The following LDB2 variants were observed in gnomAD, a reference collection of about 807,000 sequenced individuals.
The protein encoded by LDB2 is LIM domain binding 2.
In LDB2, 12 loss-of-function variants were observed where a neutral mutation model predicts 44.3. The ratio of observed to expected loss-of-function variants is 0.27; its 90% CI spans 0.17 to 0.44. The LOEUF is 0.44. LDB2 is among the 20% of genes least tolerant of loss of function. The pLI, the probability that LDB2 is intolerant of heterozygous loss-of-function variation, is 1.00. For missense variants in LDB2, 344 were observed against 473.5 expected (o/e 0.73, Z 2.54); for synonymous variants, 164 against 174.8 (o/e 0.94, Z 0.49).
At chr4:16,651,764 G>A (rs944174649) in intron 2 of LDB2, among the ~76,000 whole-genome samples, 10 of 152,006 alleles carry the variant, frequency 6.6e-5, no homozygotes, top group African/African-American at 2.4e-4. Context: ...TGTTGGAAAA[G>A]GGATCAACAT....
At chr4:16,846,016 G>C (rs1331705678) in intron 1 of LDB2, among the ~76,000 whole-genome samples, 1 of 151,908 alleles carries the variant, frequency 6.6e-6, no homozygotes, top group African/African-American at 2.4e-5. Context: ...GGCTGAGGCA[G>C]GAGGATGGGA....
At chr4:16,568,809 ATGT>A (rs1308643978) in intron 5 of LDB2, among the ~76,000 whole-genome samples, 7 of 152,332 alleles carry the variant, frequency 4.6e-5, no homozygotes, top group African/African-American at 1.2e-4. Context: ...GTTCAAACTG[ATGT>A]TGTTCAAGGG....
intron 1 of LDB2, among the ~76,000 whole-genome samples, chr4:16,846,761 T>C (rs1384970301): frequency 6.6e-6 from 1 of 152,202 alleles, no homozygotes; most frequent in Non-Finnish European, 1.5e-5. Context: ...GGGGCTCTCC[T>C]TTGTATTAAG....
chr4:16,842,173 G>A (rs907243644), intron 1 of LDB2, among the ~76,000 whole-genome samples: 8 of 152,054 alleles, frequency 5.3e-5, no homozygotes, highest in Non-Finnish European at 1.2e-4. Flanking sequence ...GCATAATAAA[G>A]CAACCCAAGC....
intron 2 of LDB2, among the ~76,000 whole-genome samples, chr4:16,757,645 G>A (rs754946216): frequency 6.6e-6 from 1 of 152,154 alleles, no homozygotes; most frequent in African/African-American, 2.4e-5. Context: ...AAATAAGGTG[G>A]CTCAGGATGG....
At chr4:16,769,428 C>T (rs1770126637) in intron 1 of LDB2, among the ~76,000 whole-genome samples, 1 of 152,004 alleles carries the variant, frequency 6.6e-6, no homozygotes, top group Non-Finnish European at 1.5e-5. Flanking sequence ...TCCCGAGTAG[C>T]TGGGATTACA....
intron 2 of LDB2, among the ~76,000 whole-genome samples, chr4:16,597,061 G>A (rs1034759454): frequency 3.9e-5 from 6 of 152,096 alleles, no homozygotes; most frequent in Non-Finnish European, 7.4e-5. Flanking sequence ...TCACCCAATC[G>A]TCACTTGAAT....
chr4:16,860,426 A>T (rs1293640696), intron 1 of LDB2, among the ~76,000 whole-genome samples: 3 of 152,208 alleles, frequency 2.0e-5, no homozygotes, highest in African/African-American at 7.2e-5. Context: ...TTCTCAGGTT[A>T]TCTCTGTGTT....
chr4:16,788,658 G>C (rs1775031060), intron 1 of LDB2, among the ~76,000 whole-genome samples: 1 of 152,218 alleles, frequency 6.6e-6, no homozygotes, highest in Non-Finnish European at 1.5e-5. Context: ...TAGCAGAAGG[G>C]TGAGCACTGG....
chr4:16,681,354 C>T (rs139754109), intron 2 of LDB2, among the ~76,000 whole-genome samples: 10 of 152,264 alleles, frequency 6.6e-5, no homozygotes, highest in Non-Finnish European at 1.0e-4. Context: ...ATTCTTCAAA[C>T]AATCTGAATG....
At chr4:16,687,114 G>GAA (rs61404516) in intron 2 of LDB2, among the ~76,000 whole-genome samples, 2 of 146,598 alleles carry the variant, frequency 1.4e-5, no homozygotes, top group Non-Finnish European at 3.0e-5. Context: ...CTATAAACTT[G>GAA]AAAAAAAAAA....
chr4:16,551,580 C>T (rs986939754), intron 5 of LDB2, among the ~76,000 whole-genome samples: 8 of 152,188 alleles, frequency 5.3e-5, no homozygotes, highest in South Asian at 4.2e-4. Flanking sequence ...TTCAATGGCG[C>T]GATCTCGGCT....
At chr4:16,589,357 C>A (rs548954750) in intron 3 of LDB2, among the ~76,000 whole-genome samples, 18 of 152,250 alleles carry the variant, frequency 1.2e-4, no homozygotes, top group African/African-American at 4.3e-4. Flanking sequence ...CAGTTATTAT[C>A]AGTTACTGAC....
At chr4:16,772,761 G>C (rs1279366967) in intron 1 of LDB2, among the ~76,000 whole-genome samples, 1 of 152,176 alleles carries the variant, frequency 6.6e-6, no homozygotes, top group African/African-American at 2.4e-5. Flanking sequence ...CAATGTGTTT[G>C]CCCTACAATA....
At chr4:16,823,835 C>T (rs569015458) in intron 1 of LDB2, among the ~76,000 whole-genome samples, 1 of 152,214 alleles carries the variant, frequency 6.6e-6, no homozygotes, top group Non-Finnish European at 1.5e-5. Context: ...TTCTAGTGTA[C>T]AATCTTACCT....
intron 5 of LDB2, among the ~76,000 whole-genome samples, chr4:16,568,651 C>A (rs1745390000): frequency 6.6e-6 from 1 of 152,138 alleles, no homozygotes; most frequent in South Asian, 2.1e-4. Flanking sequence ...CACGAACACC[C>A]AAATCTGTGC....
intron 2 of LDB2, among the ~76,000 whole-genome samples, chr4:16,615,868 G>T (rs544172949): frequency 7.2e-5 from 11 of 152,296 alleles, no homozygotes; most frequent in Non-Finnish European, 1.3e-4. Flanking sequence ...ACCTGGAGCA[G>T]CCCTGCCTAG....
intron 1 of LDB2, among the ~76,000 whole-genome samples, chr4:16,828,906 C>A (rs1580048609): frequency 6.6e-6 from 1 of 152,062 alleles, no homozygotes; most frequent in South Asian, 2.1e-4. Flanking sequence ...CAAAGAATAC[C>A]AAAGAAAAGT....
At chr4:16,846,700 T>C (rs1454795154) in intron 1 of LDB2, among the ~76,000 whole-genome samples, 1 of 152,246 alleles carries the variant, frequency 6.6e-6, no homozygotes, top group East Asian at 1.9e-4. Flanking sequence ...TTGCAGTCTG[T>C]AGACTCCCTA....
Sources: allele counts gnomAD v4.1 joint callset (sites outside exome capture counted in the v4.1 genomes callset), GRCh38; gene constraint gnomAD v4.1.1; transcripts MANE v1.5; gene names NCBI Gene and HGNC (gene_info 2026-07-23, HGNC 2026-07-21).